TMEM272: variants seen among roughly 807,000 people sequenced by gnomAD.
TMEM272 encodes the protein transmembrane protein 272.
A neutral mutation model predicts 3.7 loss-of-function variants in TMEM272; 8 were observed. The ratio of observed to expected loss-of-function variants is 2.17; its 90% CI spans 1.27 to 3.91. The LOEUF is 3.91. Ranked by LOEUF, TMEM272 falls within the 30% of genes most tolerant of loss-of-function variation. TMEM272 has a pLI of 0.00. For missense variants in TMEM272, 166 were observed against 91.5 expected, an observed-to-expected ratio of 1.81 and a Z score of -3.32; for synonymous variants, 63 against 39.8, an observed-to-expected ratio of 1.58 and a Z score of -2.20.
the TMEM272 span, among the ~76,000 whole-genome samples, chr13:51,857,136 G>T: frequency 6.6e-6 from 1 of 151,616 alleles, no homozygotes; most frequent in African/African-American, 2.4e-5. Context: ...ACATTACTAT[G>T]AAATTCTCTA....
At chr13:51,895,753 A>G in the TMEM272 span, among the ~76,000 whole-genome samples, 1 of 152,102 alleles carries the variant, frequency 6.6e-6, no homozygotes. Flanking sequence ...GCTAATGATG[A>G]TATTTACAGC....
At chr13:51,849,401 A>C (rs1956321071), upstream of TMEM272, among the ~76,000 whole-genome samples, 1 of 152,216 alleles carries the variant, frequency 6.6e-6, no homozygotes, top group Admixed American at 6.5e-5. Flanking sequence ...CAAGATGAAA[A>C]AGATTGGTTG....
chr13:51,918,568 T>C, the TMEM272 span, among the ~76,000 whole-genome samples: 1 of 152,248 alleles, frequency 6.6e-6, no homozygotes, highest in South Asian at 2.1e-4. Context: ...TCTTAGTCTC[T>C]GTATTTCTAC....
chr13:51,821,170 G>A (rs1157571843), intron 4 of TMEM272, among the ~76,000 whole-genome samples: 1 of 152,164 alleles, frequency 6.6e-6, no homozygotes, highest in Non-Finnish European at 1.5e-5. Flanking sequence ...TTCATACTTG[G>A]CACTCTTGAC....
At chr13:51,829,801 C>T (rs1245570539) in intron 2 of TMEM272, among the ~76,000 whole-genome samples, 1 of 152,138 alleles carries the variant, frequency 6.6e-6, no homozygotes, top group East Asian at 1.9e-4. Flanking sequence ...CAGAATATGC[C>T]ACCCCAAACT....
intron 2 of TMEM272, among the ~76,000 whole-genome samples, chr13:51,828,668 A>C (rs1219236148): frequency 6.6e-6 from 1 of 152,206 alleles, no homozygotes; most frequent in Admixed American, 6.5e-5. Flanking sequence ...TGAAATTCTA[A>C]ATAAATTTCT....
At chr13:51,907,340 G>A in the TMEM272 span, among the ~76,000 whole-genome samples, 1 of 152,150 alleles carries the variant, frequency 6.6e-6, no homozygotes, top group African/African-American at 2.4e-5. Context: ...CCCTCCCAGG[G>A]TTAGCCAATT....
chr13:51,836,053 T>C (rs1488733890), intron 2 of TMEM272, among the ~76,000 whole-genome samples: 1 of 152,218 alleles, frequency 6.6e-6, no homozygotes, highest in African/African-American at 2.4e-5. Flanking sequence ...GGTTTGAATG[T>C]GTCCCCCAAA....
the TMEM272 span, among the ~76,000 whole-genome samples, chr13:51,872,750 C>T: frequency 6.6e-6 from 1 of 152,224 alleles, no homozygotes; most frequent in Non-Finnish European, 1.5e-5. Context: ...CTTCAGATTT[C>T]TCAATGACAC....
At chr13:51,855,791 A>G in the TMEM272 span, among the ~76,000 whole-genome samples, 4 of 152,230 alleles carry the variant, frequency 2.6e-5, no homozygotes, top group Non-Finnish European at 5.9e-5. Context: ...CCCAGTGAAA[A>G]TGTTTAACAT....
At chr13:51,834,980 C>G (rs865971391) in intron 2 of TMEM272, among the ~76,000 whole-genome samples, 13 of 152,138 alleles carry the variant, frequency 8.5e-5, no homozygotes, top group South Asian at 2.1e-4. Flanking sequence ...GATGGGGAGG[C>G]TGGGAGCCAG....
the TMEM272 span, among the ~76,000 whole-genome samples, chr13:51,912,743 G>C: frequency 1.3e-5 from 2 of 152,148 alleles, no homozygotes; most frequent in Non-Finnish European, 2.9e-5. Context: ...CACGGCTTTG[G>C]AAGCTCAAGG....
intron 1 of TMEM272, among the ~76,000 whole-genome samples, chr13:51,844,223 T>C (rs1174301128): frequency 6.6e-6 from 1 of 152,090 alleles, no homozygotes; most frequent in Non-Finnish European, 1.5e-5. Flanking sequence ...TATATATATG[T>C]GTGTATGTGT....
At chr13:51,868,792 C>T in the TMEM272 span, among the ~76,000 whole-genome samples, 3 of 152,228 alleles carry the variant, frequency 2.0e-5, no homozygotes, top group Admixed American at 1.3e-4. Flanking sequence ...GAGTTCCAGA[C>T]TCGAAATGAA....
At chr13:51,857,200 C>A in the TMEM272 span, among the ~76,000 whole-genome samples, 1 of 149,828 alleles carries the variant, frequency 6.7e-6, no homozygotes. Flanking sequence ...GCAGTGGAAA[C>A]ACACTAAGCA....
At chr13:51,864,006 A>G in the TMEM272 span, among the ~76,000 whole-genome samples, 1 of 152,102 alleles carries the variant, frequency 6.6e-6, no homozygotes, top group African/African-American at 2.4e-5. Context: ...AGTTACAGGG[A>G]TTGCTATGGA....
the TMEM272 span, among the ~76,000 whole-genome samples, chr13:51,922,675 G>A: frequency 6.6e-6 from 1 of 152,218 alleles, no homozygotes; most frequent in Admixed American, 6.5e-5. Context: ...CGTCCCAGAG[G>A]TTGGAAGTTT....
chr13:51,864,012 A>G, the TMEM272 span, among the ~76,000 whole-genome samples: 4 of 152,098 alleles, frequency 2.6e-5, no homozygotes, highest in African/African-American at 4.8e-5. Context: ...AGGGATTGCT[A>G]TGGATAATTC....
chr13:51,930,828 G>C, the TMEM272 span, among the ~76,000 whole-genome samples: 5 of 148,986 alleles, frequency 3.4e-5, no homozygotes, highest in African/African-American at 1.2e-4. Context: ...GGTCTATGCT[G>C]GATTTATAAA....
Sources: gnomAD v4.1 joint callset for allele counts (sites outside exome capture counted in the v4.1 genomes callset) on GRCh38, gnomAD v4.1.1 for gene constraint, MANE v1.5 for transcripts, NCBI Gene and HGNC (gene_info 2026-07-23, HGNC 2026-07-21) for gene names.